Variants in KLRG1 observed in about 807,000 individuals in gnomAD.
KLRG1 encodes killer cell lectin like receptor G1.
In KLRG1, 16 loss-of-function variants were observed where a neutral mutation model predicts 21.8. That is an observed-to-expected ratio of 0.73 (90% CI 0.50 to 1.11). The LOEUF (loss-of-function observed/expected upper bound fraction) is 1.11. Among genes scored for constraint, KLRG1 ranks in the 50% most tolerant of loss-of-function variants. The probability of loss-of-function intolerance (pLI) is 0.00; values close to 1 mark genes in which losing one functional copy is unlikely to be tolerated. For synonymous variants in KLRG1, 69 were observed against 75.9 expected, an observed-to-expected ratio of 0.91 and a Z score of 0.47; for missense variants, 173 against 218.3, an observed-to-expected ratio of 0.79 and a Z score of 1.31.
the KLRG1 span, among the ~76,000 whole-genome samples, chr12:9,116,956 G>A: frequency 1.6e-4 from 25 of 152,186 alleles, no homozygotes; most frequent in African/African-American, 6.0e-4. Flanking sequence ...TATTGCAGAA[G>A]TTCAGGATGC....
At chr12:8,978,513 T>C (rs1946693561) in intron 1 of KLRG1, among the ~76,000 whole-genome samples, 1 of 152,100 alleles carries the variant, frequency 6.6e-6, no homozygotes, top group Non-Finnish European at 1.5e-5. Context: ...TCTAGGTATA[T>C]CTTGGTTGGC....
chr12:9,056,851 C>A, the KLRG1 span, among the ~76,000 whole-genome samples: 3 of 152,188 alleles, frequency 2.0e-5, no homozygotes, highest in Non-Finnish European at 4.4e-5. Context: ...CTGTGCCCAG[C>A]CTCTTCATTT....
chr12:9,044,481 A>C, the KLRG1 span, among the ~76,000 whole-genome samples: 2 of 152,086 alleles, frequency 1.3e-5, no homozygotes, highest in South Asian at 4.1e-4. Flanking sequence ...CCTGACCAAC[A>C]TGGTGAGAAA....
At chr12:9,101,565 A>G in the KLRG1 span, 17 of 1,613,898 alleles carry the variant, frequency 1.1e-5, no homozygotes, top group Non-Finnish European at 1.4e-5. Context: ...CTCAAGGTGG[A>G]CAAAGCTCTT....
At chr12:9,093,021 A>C in the KLRG1 span, among the ~76,000 whole-genome samples, 1 of 152,220 alleles carries the variant, frequency 6.6e-6, no homozygotes, top group African/African-American at 2.4e-5. Flanking sequence ...GTACTGCGTG[A>C]TCTTACTTGT....
the KLRG1 span, among the ~76,000 whole-genome samples, chr12:9,092,196 C>T: frequency 6.6e-6 from 1 of 152,064 alleles, no homozygotes; most frequent in Non-Finnish European, 1.5e-5. Context: ...TCCCCTGGCT[C>T]GCCCCACGGA....
chr12:9,169,532 C>T, the KLRG1 span: 39 of 1,612,974 alleles, frequency 2.4e-5, no homozygotes, highest in Middle Eastern at 1.5e-3. Context: ...GTTCTTCCTC[C>T]TGCTGGTCCA....
chr12:9,099,301 G>A, the KLRG1 span: 10 of 1,387,302 alleles, frequency 7.2e-6, no homozygotes, highest in Non-Finnish European at 9.0e-6. Flanking sequence ...TGGCCCTAAT[G>A]TTCACATGTG....
chr12:9,006,425 G>A (rs773216807), intron 3 of KLRG1, among the ~76,000 whole-genome samples: 30 of 152,302 alleles, frequency 2.0e-4, no homozygotes, highest in Admixed American at 6.5e-4. Flanking sequence ...CTTAAAGCAA[G>A]AATGACCTTG....
chr12:9,092,683 C>T, the KLRG1 span, among the ~76,000 whole-genome samples: 1 of 152,158 alleles, frequency 6.6e-6, no homozygotes, highest in Non-Finnish European at 1.5e-5. Flanking sequence ...TTGCCACAGC[C>T]ATTATGGAAA....
chr12:9,201,044 C>A, the KLRG1 span: 2 of 1,613,842 alleles, frequency 1.2e-6, no homozygotes, highest in Non-Finnish European at 1.7e-6. Context: ...TTGTGCAATT[C>A]GATTTCTTCT....
the KLRG1 span, among the ~76,000 whole-genome samples, chr12:9,036,013 G>C: frequency 6.6e-6 from 1 of 152,144 alleles, no homozygotes; most frequent in Non-Finnish European, 1.5e-5. Flanking sequence ...TTGGGAGAGA[G>C]TGAGGATGGA....
chr12:9,076,622 T>C, the KLRG1 span: 1 of 754,572 alleles, frequency 1.3e-6, no homozygotes, highest in South Asian at 2.5e-5. Flanking sequence ...AGATGCAATA[T>C]GGACAAAATA....
the KLRG1 span, chr12:9,200,455 A>G: frequency 1.3e-6 from 2 of 1,579,608 alleles, no homozygotes. Context: ...AGCACTGTTA[A>G]TAGAGATAAT....
chr12:9,200,332 A>C, the KLRG1 span: 2 of 1,486,350 alleles, frequency 1.3e-6, no homozygotes, highest in Middle Eastern at 1.7e-4. Flanking sequence ...GAGGCAAAAT[A>C]TAAAATTTTA....
the KLRG1 span, among the ~76,000 whole-genome samples, chr12:9,158,746 T>C: frequency 8.9e-6 from 1 of 112,024 alleles, no homozygotes; most frequent in Non-Finnish European, 1.7e-5. Context: ...TTTTCTTTTT[T>C]CTTTTCTTTT....
At chr12:8,996,202 C>T (rs761691736) in intron 3 of KLRG1, among the ~76,000 whole-genome samples, 2 of 152,280 alleles carry the variant, frequency 1.3e-5, no homozygotes, top group East Asian at 3.9e-4. Context: ...CTTCAGGCCC[C>T]TCAGATCCTT....
the KLRG1 span, chr12:9,101,618 G>A: frequency 5.6e-6 from 9 of 1,613,908 alleles, no homozygotes; most frequent in South Asian, 7.7e-5. Context: ...GTGCCTCTTC[G>A]TGTTCTTCTG....
intron 3 of KLRG1, among the ~76,000 whole-genome samples, chr12:9,004,679 C>T (rs1251286212): frequency 6.6e-6 from 1 of 152,110 alleles, no homozygotes; most frequent in African/African-American, 2.4e-5. Flanking sequence ...TAGAGTGTTA[C>T]TATGTTGTCC....
Sources: gnomAD v4.1 joint callset for allele counts (sites outside exome capture counted in the v4.1 genomes callset) on GRCh38, gnomAD v4.1.1 for gene constraint, MANE v1.5 for transcripts, NCBI Gene and HGNC (gene_info 2026-07-23, HGNC 2026-07-21) for gene names.